BRD10: variants seen among roughly 807,000 people sequenced by gnomAD.
BRD10 encodes the protein uncharacterized bromodomain-containing protein 10.
chr9:5,972,504 G>A, the BRD10 span, among the ~76,000 whole-genome samples: 3 of 152,184 alleles, frequency 2.0e-5, no homozygotes, highest in Non-Finnish European at 4.4e-5. Flanking sequence ...TTGAGTTATG[G>A]GGGTAGATCT....
At chr9:5,921,552 G>A in the BRD10 span, 1 of 1,613,854 alleles carries the variant, frequency 6.2e-7, no homozygotes, top group Non-Finnish European at 8.5e-7. Flanking sequence ...CCAGAAGAAA[G>A]AATAGATGGA....
chr9:5,918,438 G>C, the BRD10 span, among the ~76,000 whole-genome samples: 11 of 152,140 alleles, frequency 7.2e-5, no homozygotes, highest in Admixed American at 1.3e-4. Flanking sequence ...GCATATTCTT[G>C]GGTGCGGTGG....
chr9:5,972,538 C>T, the BRD10 span, among the ~76,000 whole-genome samples: 4 of 150,158 alleles, frequency 2.7e-5, no homozygotes, highest in African/African-American at 9.8e-5. Flanking sequence ...TGGTCCCATT[C>T]TCACTGCAGT....
At chr9:5,969,479 A>G in the BRD10 span, 8 of 1,258,900 alleles carry the variant, frequency 6.4e-6, no homozygotes, top group Non-Finnish European at 8.6e-6. Flanking sequence ...TTCAGAGGGT[A>G]CCATAAAATG....
At chr9:5,916,593 A>C in the BRD10 span, among the ~76,000 whole-genome samples, 8 of 135,442 alleles carry the variant, frequency 5.9e-5, 1 homozygote, top group African/African-American at 2.2e-4. Flanking sequence ...TAACATATAT[A>C]TAAAACTAAT....
chr9:5,896,140 T>C, the BRD10 span, among the ~76,000 whole-genome samples: 83 of 152,328 alleles, frequency 5.4e-4, no homozygotes, highest in African/African-American at 1.9e-3. Context: ...GCTGTGAATG[T>C]TGGTTCTGCC....
At chr9:5,965,625 T>C in the BRD10 span, among the ~76,000 whole-genome samples, 1 of 152,244 alleles carries the variant, frequency 6.6e-6, no homozygotes, top group Non-Finnish European at 1.5e-5. Flanking sequence ...AAACATTATA[T>C]ACACCATAAT....
At chr9:5,996,614 A>G in the BRD10 span, among the ~76,000 whole-genome samples, 1 of 152,190 alleles carries the variant, frequency 6.6e-6, no homozygotes, top group Admixed American at 6.5e-5. Context: ...TATAGGCATG[A>G]GCTACCATGC....
the BRD10 span, among the ~76,000 whole-genome samples, chr9:5,995,101 A>G: frequency 6.6e-6 from 1 of 152,012 alleles, no homozygotes; most frequent in Non-Finnish European, 1.5e-5. Flanking sequence ...GGGTTTCTCC[A>G]TGTTGGTCAG....
the BRD10 span, among the ~76,000 whole-genome samples, chr9:5,984,557 C>T: frequency 2.0e-5 from 3 of 152,076 alleles, no homozygotes; most frequent in South Asian, 2.1e-4. Flanking sequence ...GAAGTCAATA[C>T]ATCAGAAAAC....
At chr9:5,969,477 G>T in the BRD10 span, 1 of 1,278,724 alleles carries the variant, frequency 7.8e-7, no homozygotes, top group Non-Finnish European at 1.1e-6. Flanking sequence ...TATTCAGAGG[G>T]TACCATAAAA....
At chr9:5,925,748 T>C in the BRD10 span, among the ~76,000 whole-genome samples, 4 of 152,248 alleles carry the variant, frequency 2.6e-5, no homozygotes, top group African/African-American at 9.6e-5. Context: ...GAGATCTTTT[T>C]CATATAAAAA....
chr9:5,920,954 A>G, the BRD10 span: 1 of 1,613,990 alleles, frequency 6.2e-7, no homozygotes. Flanking sequence ...TCCACTGACT[A>G]AAACAGGAGG....
chr9:6,007,992 G>A, the BRD10 span: 1 of 1,277,448 alleles, frequency 7.8e-7, no homozygotes, highest in Non-Finnish European at 9.9e-7. Context: ...TGGCGCGCGA[G>A]GAGGGGGGAG....
chr9:5,887,332 G>A, the BRD10 span, among the ~76,000 whole-genome samples: 1 of 152,312 alleles, frequency 6.6e-6, no homozygotes, highest in East Asian at 1.9e-4. Context: ...TGCCCAGCAT[G>A]CTGAGTCTGG....
chr9:5,949,799 A>G, the BRD10 span, among the ~76,000 whole-genome samples: 6 of 152,352 alleles, frequency 3.9e-5, no homozygotes, highest in South Asian at 2.1e-4. Flanking sequence ...GATAAGTCAT[A>G]TAACATTAGA....
chr9:5,971,826 G>T, the BRD10 span, among the ~76,000 whole-genome samples: 5 of 151,992 alleles, frequency 3.3e-5, no homozygotes, highest in East Asian at 9.6e-4. Context: ...CAGTAGAGGG[G>T]CATACTAGAA....
chr9:5,959,576 G>A, the BRD10 span, among the ~76,000 whole-genome samples: 7 of 152,244 alleles, frequency 4.6e-5, no homozygotes, highest in South Asian at 1.4e-3. Context: ...ATGGAGTATA[G>A]TAAATCCTTT....
At chr9:5,975,686 C>A in the BRD10 span, among the ~76,000 whole-genome samples, 1 of 151,814 alleles carries the variant, frequency 6.6e-6, no homozygotes, top group Admixed American at 6.6e-5. Context: ...GAGAAACTGT[C>A]CAAACTGAAA....
Sources: allele counts gnomAD v4.1 joint callset (sites outside exome capture counted in the v4.1 genomes callset), GRCh38; gene constraint gnomAD v4.1.1; transcripts MANE v1.5; gene names NCBI Gene and HGNC (gene_info 2026-07-23, HGNC 2026-07-21).